LRPPRC: variants seen among roughly 807,000 people sequenced by gnomAD.
LRPPRC encodes the protein leucine rich pentatricopeptide repeat containing.
A neutral mutation model predicts 180.3 loss-of-function variants in LRPPRC; 120 were observed. The ratio of observed to expected loss-of-function variants is 0.67; its 90% CI spans 0.57 to 0.77. The LOEUF (loss-of-function observed/expected upper bound fraction) is 0.77. Ranked by LOEUF, LRPPRC falls within the 30% of genes least tolerant of loss-of-function variation. LRPPRC has a pLI of 0.00. For synonymous variants in LRPPRC, 723 were observed against 600.0 expected, an observed-to-expected ratio of 1.21 and a Z score of -3.00; for missense variants, 2,012 against 1,657.2, an observed-to-expected ratio of 1.21 and a Z score of -3.72.
intron 25 of LRPPRC, among the ~76,000 whole-genome samples, chr2:43,926,444 T>C (rs1342032884): frequency 3.3e-5 from 5 of 152,228 alleles, no homozygotes. Context: ...CTTGGCTCAC[T>C]GCAACCTCCG....
intron 11 of LRPPRC, among the ~76,000 whole-genome samples, chr2:43,972,509 T>C (rs1410685883): frequency 6.6e-6 from 1 of 152,242 alleles, no homozygotes; most frequent in Non-Finnish European, 1.5e-5. Flanking sequence ...CTAACATGCC[T>C]GAAGAGTTTG....
At chr2:43,962,658 A>G (rs924059208) in intron 12 of LRPPRC, among the ~76,000 whole-genome samples, 2 of 152,192 alleles carry the variant, frequency 1.3e-5, no homozygotes, top group Non-Finnish European at 2.9e-5. Flanking sequence ...CTTCATCAAC[A>G]GCTTGCCTAC....
chr2:43,913,210 T>C (rs1671325746), intron 29 of LRPPRC, among the ~76,000 whole-genome samples: 1 of 152,202 alleles, frequency 6.6e-6, no homozygotes, highest in Admixed American at 6.5e-5. Flanking sequence ...TCACAATAAC[T>C]GTCAGTGAAT....
chr2:43,932,173 T>G (rs1391661460), intron 25 of LRPPRC, among the ~76,000 whole-genome samples: 1 of 114,940 alleles, frequency 8.7e-6, no homozygotes, highest in Non-Finnish European at 1.7e-5. Context: ...CTGTCAAATA[T>G]ACTACATATA....
intron 30 of LRPPRC, among the ~76,000 whole-genome samples, chr2:43,912,182 C>T (rs557410899): frequency 4.6e-5 from 7 of 152,106 alleles, no homozygotes; most frequent in Non-Finnish European, 1.0e-4. Context: ...GCATGGATAT[C>T]TTAAATGAAT....
At chr2:43,921,574 T>C (rs578035789) in intron 27 of LRPPRC, among the ~76,000 whole-genome samples, 4 of 152,132 alleles carry the variant, frequency 2.6e-5, no homozygotes, top group South Asian at 2.1e-4. Context: ...AAAAAATACA[T>C]GGATATAAAG....
At chr2:43,892,633 C>T (rs1670532206) in intron 36 of LRPPRC, 1 of 152,130 alleles carries the variant, frequency 6.6e-6, no homozygotes, top group Non-Finnish European at 1.5e-5. Context: ...ATAAAACATC[C>T]ATTCTGCAGC....
chr2:43,938,141 T>C (rs1672339234), intron 23 of LRPPRC, among the ~76,000 whole-genome samples: 2 of 151,684 alleles, frequency 1.3e-5, no homozygotes, highest in Non-Finnish European at 2.9e-5. Context: ...CTTTCACAAA[T>C]GACACTAAAA....
intron 27 of LRPPRC, among the ~76,000 whole-genome samples, chr2:43,918,705 C>T (rs1289193594): frequency 6.6e-6 from 1 of 150,768 alleles, no homozygotes; most frequent in Non-Finnish European, 1.5e-5. Context: ...GAGAAAGTGC[C>T]TACTGCCGAA....
chr2:43,976,150 T>G lies in LRPPRC; in HGVS notation c.730A>C (p.Arg244=). ...VFSALVTGHA[R]AGDMENAENI... Reference sequence around the variant, plus strand: ...CCTTAGGTTGAACATTACCCAGCTCTGGCATGCCCTGTCACAAGGGCACTG... The same window carrying G: ...CCTTAGGTTGAACATTACCCAGCTCGGGCATGCCCTGTCACAAGGGCACTG... Residue 244 remains arginine, a synonymous_variant, in exon 6 of 38, where the codon AGA becomes CGA. Coordinates refer to ENST00000260665, the MANE Select transcript of LRPPRC (RefSeq NM_133259.4). 1 of 1,602,230 alleles carries G rather than the reference T, an allele frequency of 6.2e-7. No individual in the cohort carries two copies. The highest frequency in any genetic ancestry group is 8.6e-7 in the Non-Finnish European group (1 of 1,169,190).
At chr2:43,992,975 G>C (rs532496317) in intron 1 of LRPPRC, among the ~76,000 whole-genome samples, 7 of 152,210 alleles carry the variant, frequency 4.6e-5, no homozygotes, top group Non-Finnish European at 8.8e-5. Context: ...AAACACAGAA[G>C]GACCACGAGT....
At chr2:43,912,252 G>GT (rs960559651) in intron 30 of LRPPRC, among the ~76,000 whole-genome samples, 180 bp downstream of exon 30, 42 of 151,056 alleles carry the variant, frequency 2.8e-4, no homozygotes, top group African/African-American at 4.4e-4. Context: ...CAGTAAAGGT[G>GT]TTTTTTTTTG....
Position 43,960,552 on chromosome 2 carries a change from A to G in LRPPRC, c.1571T>C (p.Val524Ala). The change falls in exon 13 of 38, where the codon GTA becomes GCA. Residue 524 changes from valine (V) to alanine (A), a missense_variant. By Grantham distance (64) the Val-to-Ala change is moderately conservative. Transcript: ENST00000260665. ...SEAANGNLDF[V>A]LSFLKSNTLP... is the part of the protein sequence containing the mutation. ...TGTTGTATACTTACAAAATGATAATACAAAGTCTAAGTTCCCATTTGCTGC... is the reference window on the plus strand; with the variant it reads ...TGTTGTATACTTACAAAATGATAATGCAAAGTCTAAGTTCCCATTTGCTGC... The G allele has an allele frequency of 1.3e-6, 2 of 1,567,120 alleles. No individual in the cohort carries two copies. Among genetic ancestry groups the G allele is most frequent in the Non-Finnish European group, 1.8e-6 (2 of 1,138,568 alleles).
chr2:43,929,665 T>C (rs148188918), intron 25 of LRPPRC, among the ~76,000 whole-genome samples: 26 of 152,332 alleles, frequency 1.7e-4, no homozygotes, highest in Non-Finnish European at 3.2e-4. Context: ...GGATCAACTA[T>C]ATTTATCCCC....
At chr2:43,966,885 T>C (rs1407802844) in intron 11 of LRPPRC, among the ~76,000 whole-genome samples, 5 of 150,432 alleles carry the variant, frequency 3.3e-5, no homozygotes, top group Non-Finnish European at 3.0e-5. Context: ...ATCCCATCTC[T>C]ACTAAAAATA....
intron 35 of LRPPRC, chr2:43,896,148 G>A (rs1670671904): frequency 6.4e-6 from 1 of 157,398 alleles, no homozygotes; most frequent in African/African-American, 2.5e-5. Context: ...TAGTGCTTCT[G>A]CATTGTTAAA....
At chr2:43,968,076 G>C (rs1228559322) in intron 11 of LRPPRC, among the ~76,000 whole-genome samples, 1 of 151,958 alleles carries the variant, frequency 6.6e-6, no homozygotes, top group Non-Finnish European at 1.5e-5. Flanking sequence ...CTAAGTTGCT[G>C]GTGAGATACT....
intron 11 of LRPPRC, among the ~76,000 whole-genome samples, chr2:43,970,767 C>G (rs548203566): frequency 6.6e-6 from 1 of 152,174 alleles, no homozygotes; most frequent in African/African-American, 2.4e-5. Context: ...ACTCTAGCCA[C>G]GGCACTCACT....
At chr2:43,994,514 C>G (rs1171539364) in intron 1 of LRPPRC, among the ~76,000 whole-genome samples, 5 of 152,172 alleles carry the variant, frequency 3.3e-5, no homozygotes, top group African/African-American at 1.2e-4. Flanking sequence ...GCTAAGGAAG[C>G]TGAGGCCTGG....
Sources: allele counts gnomAD v4.1 joint callset (sites outside exome capture counted in the v4.1 genomes callset), GRCh38; gene constraint gnomAD v4.1.1; transcripts MANE v1.5; gene names NCBI Gene and HGNC (gene_info 2026-07-23, HGNC 2026-07-21).